OPCML: variants seen among roughly 807,000 people sequenced by gnomAD.
The protein encoded by OPCML is opioid binding protein/cell adhesion molecule like.
OPCML carries 13 observed loss-of-function variants against 37.8 expected under a neutral mutation model. The observed-to-expected ratio is 0.34, with a 90% CI of 0.22 to 0.55. The LOEUF is 0.55. Among genes scored for constraint, OPCML ranks in the 20% least tolerant of loss-of-function variants. The probability of loss-of-function intolerance (pLI) is 0.91; values close to 1 mark genes in which losing one functional copy is unlikely to be tolerated. For missense variants in OPCML, 341 were observed against 435.6 expected (o/e 0.78, Z 1.93); for synonymous variants, 176 against 168.8 (o/e 1.04, Z -0.33).
At chr11:133,418,568 C>G (rs1319696866) in intron 1 of OPCML, 1 of 567,922 alleles carries the variant, frequency 1.8e-6, no homozygotes, top group Non-Finnish European at 2.2e-6. Flanking sequence ...CTTCTAACCT[C>G]CAAACTGTCC....
At position 133,532,351 on chromosome 11, in the gene OPCML, C is replaced by T. The variant is rs372210412; in HGVS notation, c.-27G>A. The T allele has an allele frequency of 2.0e-4, 319 of 1,610,042 alleles. 2 individuals carry two copies. Among genetic ancestry groups the T allele is most frequent in the Admixed American group, 2.8e-4 (17 of 59,738 alleles). Reference sequence around the variant, plus strand: ...TCGACGCTGCGGTGCTCTCAGCTGCCGGGCTTGCTACTGCTTCTGCTGCTG... The same window carrying T: ...TCGACGCTGCGGTGCTCTCAGCTGCTGGGCTTGCTACTGCTTCTGCTGCTG... On this transcript the variant is annotated 5_prime_UTR_variant, in exon 1 of 8. Transcript: ENST00000524381.
intron 2 of OPCML, among the ~76,000 whole-genome samples, chr11:132,870,887 G>A (rs1263563044): frequency 6.6e-6 from 1 of 152,184 alleles, no homozygotes; most frequent in African/African-American, 2.4e-5. Context: ...GTTGCCAGTG[G>A]TTACTAGGGG....
intron 7 of OPCML, 21 bp downstream of exon 7, chr11:132,436,065 A>T: frequency 6.2e-7 from 1 of 1,606,426 alleles, no homozygotes; most frequent in African/African-American, 1.3e-5. Flanking sequence ...AGCCCACTGC[A>T]TCCAGGCTTC....
chr11:133,090,610 G>C (rs1022770837), intron 1 of OPCML, among the ~76,000 whole-genome samples: 18 of 152,178 alleles, frequency 1.2e-4, no homozygotes, highest in Non-Finnish European at 1.6e-4. Context: ...TCATATCCTA[G>C]TGCTCTGTGG....
intron 1 of OPCML, among the ~76,000 whole-genome samples, chr11:133,282,212 C>T (rs1386882042): frequency 3.3e-5 from 5 of 152,140 alleles, no homozygotes; most frequent in African/African-American, 1.2e-4. Context: ...CTTCCCATCA[C>T]AGACCCAGAG....
chr11:133,053,292 C>T (rs1360258378), intron 1 of OPCML, among the ~76,000 whole-genome samples: 1 of 152,182 alleles, frequency 6.6e-6, no homozygotes, highest in Non-Finnish European at 1.5e-5. Context: ...CAACGCATGG[C>T]GTGCATTGTG....
At chr11:132,896,355 G>A (rs1040353784) in intron 2 of OPCML, among the ~76,000 whole-genome samples, 3 of 152,208 alleles carry the variant, frequency 2.0e-5, no homozygotes, top group African/African-American at 7.2e-5. Context: ...GCTCTTCTCT[G>A]TAGACCAGAC....
chr11:133,523,712 C>T (rs1948436312), intron 1 of OPCML, among the ~76,000 whole-genome samples: 1 of 152,222 alleles, frequency 6.6e-6, no homozygotes, highest in Admixed American at 6.5e-5. Flanking sequence ...CTCATCTTGG[C>T]CCATGCTTTC....
intron 2 of OPCML, among the ~76,000 whole-genome samples, chr11:132,734,217 C>A (rs1341065604): frequency 6.6e-6 from 1 of 152,180 alleles, no homozygotes; most frequent in Non-Finnish European, 1.5e-5. Flanking sequence ...GCCAGGCCCC[C>A]AGATGCCTCC....
chr11:132,801,799 G>C (rs940863133), intron 2 of OPCML, among the ~76,000 whole-genome samples: 2 of 152,062 alleles, frequency 1.3e-5, no homozygotes, highest in African/African-American at 4.8e-5. Context: ...AATCTTTATT[G>C]AGTGCTATTA....
intron 1 of OPCML, among the ~76,000 whole-genome samples, chr11:133,057,085 C>T (rs975838160): frequency 6.6e-6 from 1 of 152,196 alleles, no homozygotes; most frequent in Non-Finnish European, 1.5e-5. Context: ...CTCAGGTTAT[C>T]CACCCGCCTT....
rs960375200 is a variant in OPCML at position 132,619,959 on chromosome 11, A to T, written c.379+37128T>A. On this transcript the variant is annotated intron_variant, in intron 3 of 7. Coordinates refer to ENST00000524381, the MANE Select transcript of OPCML (RefSeq NM_001012393.5). The stretch of plus-strand genomic sequence containing the variant: ...TTTTATTATTATTCATTTGACATTA[A>T]ATCTATTTAGCATGTCACCTTAAAA... 2.6e-5 allele frequency among the ~76,000 whole-genome samples: 4 copies of T among 152,144 alleles called. No individual in the cohort carries two copies. The South Asian group carries it at 8.3e-4, about 32-fold the overall frequency.
At chr11:132,610,392 C>T (rs1159530547) in intron 3 of OPCML, among the ~76,000 whole-genome samples, 2 of 152,210 alleles carry the variant, frequency 1.3e-5, no homozygotes, top group Non-Finnish European at 2.9e-5. Context: ...CAGTTTGACC[C>T]TTCAGCAGCA....
intron 2 of OPCML, among the ~76,000 whole-genome samples, chr11:132,689,278 G>T (rs1943306683): frequency 6.6e-6 from 1 of 152,168 alleles, no homozygotes; most frequent in African/African-American, 2.4e-5. Context: ...TCCTCACTTG[G>T]AATAAGGCCC....
chr11:133,306,983 T>C (rs988765712), intron 1 of OPCML, among the ~76,000 whole-genome samples: 1 of 152,130 alleles, frequency 6.6e-6, no homozygotes, highest in Non-Finnish European at 1.5e-5. Context: ...GTACCACGAA[T>C]GTAGTGGATA....
At chr11:132,441,049 A>G (rs2096030869) in intron 4 of OPCML, among the ~76,000 whole-genome samples, 1 of 151,958 alleles carries the variant, frequency 6.6e-6, no homozygotes, top group Non-Finnish European at 1.5e-5. Flanking sequence ...AGGGAGGAAC[A>G]GGATAGGATA....
chr11:133,288,350 C>T (rs1942362862), intron 1 of OPCML, among the ~76,000 whole-genome samples: 1 of 152,208 alleles, frequency 6.6e-6, no homozygotes, highest in African/African-American at 2.4e-5. Context: ...CATGAGACAA[C>T]CCATGGTCAA....
At chr11:132,778,063 C>A (rs566863028) in intron 2 of OPCML, among the ~76,000 whole-genome samples, 1 of 152,198 alleles carries the variant, frequency 6.6e-6, no homozygotes, top group East Asian at 1.9e-4. Flanking sequence ...GAAGGCTGAC[C>A]AGCAGTAACT....
At chr11:133,045,289 C>T (rs1947985782) in intron 1 of OPCML, among the ~76,000 whole-genome samples, 1 of 152,222 alleles carries the variant, frequency 6.6e-6, no homozygotes, top group Admixed American at 6.5e-5. Flanking sequence ...ATGGTTGGCC[C>T]TTCAAGCCAG....
Sources: gnomAD v4.1 joint callset for allele counts (sites outside exome capture counted in the v4.1 genomes callset) on GRCh38, gnomAD v4.1.1 for gene constraint, MANE v1.5 for transcripts, NCBI Gene and HGNC (gene_info 2026-07-23, HGNC 2026-07-21) for gene names.